NAV2: variants seen among roughly 807,000 people sequenced by gnomAD.
NAV2 encodes the protein helicase, APC down-regulated 1.
A neutral mutation model predicts 223.2 loss-of-function variants in NAV2; 54 were observed. That is an observed-to-expected ratio of 0.24 (90% CI 0.19 to 0.30). The LOEUF (loss-of-function observed/expected upper bound fraction) is 0.30. Among genes scored for constraint, NAV2 ranks in the 10% least tolerant of loss-of-function variants. NAV2 has a pLI of 1.00. For missense variants in NAV2, 2,806 were observed against 3,147.5 expected (o/e 0.89, Z 2.60); for synonymous variants, 1,279 against 1,239.3 (o/e 1.03, Z -0.67).
chr11:20,117,875 A>G (rs1437353389), intron 37 of NAV2, among the ~76,000 whole-genome samples: 1 of 152,218 alleles, frequency 6.6e-6, no homozygotes, highest in Non-Finnish European at 1.5e-5. Context: ...GGCAGGTACT[A>G]TTATTATTCA....
At chr11:19,435,859 T>C (rs1851197246) in intron 1 of NAV2, among the ~76,000 whole-genome samples, 2 of 152,198 alleles carry the variant, frequency 1.3e-5, no homozygotes, top group East Asian at 3.8e-4. Context: ...TGTTGGCCAT[T>C]TGTATGTCTT....
intron 1 of NAV2, among the ~76,000 whole-genome samples, chr11:19,397,418 T>TGTGTGTGTGTGTGTGTGCAC (rs57566081): frequency 3.4e-4 from 50 of 145,356 alleles, no homozygotes; most frequent in African/African-American, 1.3e-3. Flanking sequence ...TGTGTGTGTG[T>TGTGTGTGTGTGTGTGTGCAC]GCGCGCATGT....
chr11:19,425,656 C>T (rs958218062), intron 1 of NAV2, among the ~76,000 whole-genome samples: 1 of 152,168 alleles, frequency 6.6e-6, no homozygotes, highest in Non-Finnish European at 1.5e-5. Flanking sequence ...AGTGCAACTT[C>T]CATTAAATAC....
intron 29 of NAV2, 42 bp from the exon 30 acceptor site, chr11:20,095,630 G>T: frequency 7.0e-7 from 1 of 1,426,856 alleles, no homozygotes. Flanking sequence ...AGTCAGAAAA[G>T]ATCCACCTGT....
intron 1 of NAV2, among the ~76,000 whole-genome samples, chr11:19,661,255 A>G (rs905845955): frequency 2.0e-5 from 3 of 152,134 alleles, no homozygotes; most frequent in African/African-American, 7.2e-5. Context: ...AGGCTCATCT[A>G]TGTTGTAGCA....
chr11:20,111,486 G>A (rs944190612), intron 36 of NAV2, among the ~76,000 whole-genome samples: 1 of 152,232 alleles, frequency 6.6e-6, no homozygotes, highest in Non-Finnish European at 1.5e-5. Context: ...CAAGTGAGGA[G>A]GCTTGTAAAA....
At chr11:19,434,770 A>G (rs1851154407) in intron 1 of NAV2, among the ~76,000 whole-genome samples, 1 of 151,998 alleles carries the variant, frequency 6.6e-6, no homozygotes, top group Non-Finnish European at 1.5e-5. Context: ...AACATTATAC[A>G]TGGAAATATC....
Position 19,426,203 on chromosome 11 carries a change from T to C in NAV2, c.75+75176T>C, listed in dbSNP as rs571472579. The stretch of plus-strand genomic sequence containing the variant: ...TGGCCTCTCCAGTGCTCCTAGCGTC[T>C]CAAGAAACCAGCTTGCCTCACAGCT... On this transcript the variant is annotated intron_variant, in intron 1 of 37. Transcript: ENST00000360655. 1.3e-3 allele frequency among the ~76,000 whole-genome samples: 198 copies of C among 152,248 alleles called. 1 individual carries two copies. Among genetic ancestry groups the C allele is most frequent in the African/African-American group, 4.4e-3 (184 of 41,548 alleles).
chr11:19,913,338 C>T (rs1174740376), intron 6 of NAV2, among the ~76,000 whole-genome samples: 1 of 152,148 alleles, frequency 6.6e-6, no homozygotes, highest in Admixed American at 6.5e-5. Context: ...GGGAGCCTTT[C>T]CCAGTCTGTA....
intron 19 of NAV2, among the ~76,000 whole-genome samples, chr11:20,058,655 T>C (rs752984541): frequency 2.6e-5 from 4 of 152,204 alleles, no homozygotes; most frequent in Non-Finnish European, 4.4e-5. Context: ...GCAGCATGCT[T>C]GTGTATCTAG....
At chr11:19,879,338 T>C (rs76830813) in intron 4 of NAV2, among the ~76,000 whole-genome samples, 118 of 152,272 alleles carry the variant, frequency 7.7e-4, no homozygotes, top group African/African-American at 2.7e-3. Context: ...GCCTACCCTA[T>C]ACCCACCCCA....
intron 1 of NAV2, among the ~76,000 whole-genome samples, chr11:19,375,220 C>T (rs992953875): frequency 6.6e-6 from 1 of 152,202 alleles, no homozygotes; most frequent in Non-Finnish European, 1.5e-5. Context: ...TGAGTAGTTA[C>T]AGTCCCATAA....
chr11:20,080,263 T>C lies in NAV2; in HGVS notation c.5325+54T>C, dbSNP rs1264660408. 4.5e-6 allele frequency: 7 copies of C among 1,542,854 alleles called. No homozygotes were observed. The South Asian group carries it at 7.0e-5, about 15-fold the overall frequency. On this transcript the variant is annotated intron_variant, in intron 25 of 37. Coordinates refer to ENST00000349880, the MANE Select transcript of NAV2 (RefSeq NM_145117.5). ...TGACGGACAGAGTCAGTTGCAGAAC[T>C]GGCTGCTGCATCTCCCCAGATAAAG...
chr11:19,634,567 A>T (rs1482133022), intron 1 of NAV2, among the ~76,000 whole-genome samples: 1 of 152,178 alleles, frequency 6.6e-6, no homozygotes, highest in Non-Finnish European at 1.5e-5. Flanking sequence ...TTATTCGTCC[A>T]TCCATTCATT....
At chr11:19,828,879 A>G (rs774566755) in intron 1 of NAV2, among the ~76,000 whole-genome samples, 12 of 152,212 alleles carry the variant, frequency 7.9e-5, no homozygotes, top group Non-Finnish European at 1.6e-4. Flanking sequence ...TGAGAAGTTC[A>G]CTTTGGCAGA....
At chr11:19,992,639 G>A (rs1308711797) in intron 11 of NAV2, among the ~76,000 whole-genome samples, 1 of 143,544 alleles carries the variant, frequency 7.0e-6, no homozygotes, top group Non-Finnish European at 1.5e-5. Flanking sequence ...CCAGGCTGGA[G>A]TGCAGTGACA....
chr11:19,701,929 G>C (rs950555668), intron 1 of NAV2, among the ~76,000 whole-genome samples: 1 of 152,186 alleles, frequency 6.6e-6, no homozygotes. Flanking sequence ...GGGTGTCTCT[G>C]TTTTGTTGAC....
chr11:19,419,602 T>A (rs1850527226), intron 1 of NAV2, among the ~76,000 whole-genome samples: 1 of 152,186 alleles, frequency 6.6e-6, no homozygotes, highest in Non-Finnish European at 1.5e-5. Flanking sequence ...CCAAATTCTT[T>A]TCATTTCCTT....
intron 1 of NAV2, among the ~76,000 whole-genome samples, chr11:19,670,368 A>C (rs1394456794): frequency 6.6e-6 from 1 of 151,908 alleles, no homozygotes; most frequent in Non-Finnish European, 1.5e-5. Flanking sequence ...AGGCCAAGCC[A>C]CTCCTCCTCA....
Sources: gnomAD v4.1 joint callset for allele counts (sites outside exome capture counted in the v4.1 genomes callset) on GRCh38, gnomAD v4.1.1 for gene constraint, MANE v1.5 for transcripts, NCBI Gene and HGNC (gene_info 2026-07-23, HGNC 2026-07-21) for gene names.